The following HELZ2 variants were observed in gnomAD, a reference collection of about 807,000 sequenced individuals.
HELZ2 encodes the protein helicase with zinc finger 2.
HELZ2 carries 143 observed loss-of-function variants against 208.8 expected under a neutral mutation model. The observed-to-expected ratio is 0.68, with a 90% CI of 0.60 to 0.79. The LOEUF (loss-of-function observed/expected upper bound fraction) is 0.79, where lower values mean the gene tolerates loss of function less well. Ranked by LOEUF, HELZ2 falls within the 30% of genes least tolerant of loss-of-function variation. The probability of loss-of-function intolerance (pLI) is 0.00; values close to 1 mark genes in which losing one functional copy is unlikely to be tolerated. For missense variants in HELZ2, 3,690 were observed against 3,794.5 expected (o/e 0.97, Z 0.72); for synonymous variants, 1,705 against 1,693.7 (o/e 1.01, Z -0.16).
Position 63,567,638 on chromosome 20 carries a change from G to T in HELZ2, c.1731-11C>A. 6.3e-7 allele frequency: 1 copy of T among 1,596,616 alleles called. No homozygotes were observed. The highest frequency in any genetic ancestry group is 8.5e-7 in the Non-Finnish European group (1 of 1,174,000). Reference sequence around the variant, plus strand: ...TAGATGTCGGCGGCACTGCGGGAGGGGGAGGAGCTCATGGGCTTCTTGCTG... The same window carrying T: ...TAGATGTCGGCGGCACTGCGGGAGGTGGAGGAGCTCATGGGCTTCTTGCTG... On this transcript the variant is annotated splice_polypyrimidine_tract_variant and intron_variant, in intron 5 of 18. Coordinates refer to ENST00000467148, the Ensembl canonical transcript of HELZ2.
exon 8 of HELZ2, chr20:63,564,451 G>A (rs751989373): frequency 3.2e-6 from 5 of 1,570,160 alleles, no homozygotes; most frequent in Non-Finnish European, 4.3e-6. Context: ...CCTCCTCGTA[G>A]GACAGCTGGC....
At chr20:63,565,432 G>A (rs1348271309) in exon 8 of HELZ2, 5 of 1,610,488 alleles carry the variant, frequency 3.1e-6, no homozygotes, top group African/African-American at 1.3e-5. Flanking sequence ...AAGAGCAGTG[G>A]CGGTACCGCT....
intron 3 of HELZ2, among the ~76,000 whole-genome samples, chr20:63,569,922 C>T (rs574800872): frequency 7.4e-4 from 113 of 152,304 alleles, no homozygotes; most frequent in African/African-American, 2.6e-3. Context: ...CACCCACTCT[C>T]CAGGTGCCAG....
At chr20:63,572,301 T>C (rs1051704245) in exon 1 of HELZ2, 7 of 1,586,110 alleles carry the variant, frequency 4.4e-6, no homozygotes, top group Admixed American at 3.6e-5. Flanking sequence ...AGGGGGGCCG[T>C]GCGCCCGTCG....
chr20:63,561,913 G>C, exon 11 of HELZ2: 1 of 1,590,284 alleles, frequency 6.3e-7, no homozygotes, highest in Non-Finnish European at 8.6e-7. Flanking sequence ...GGGCCTCCGG[G>C]CTGCACCTGC....
chr20:63,570,784 A>G (rs1280657524), exon 2 of HELZ2: 3 of 1,611,086 alleles, frequency 1.9e-6, no homozygotes, highest in Non-Finnish European at 2.5e-6. Flanking sequence ...GCAGCTCCAC[A>G]GCCTGCGTGC....
At chr20:63,573,379 C>A (rs1182719476), upstream of HELZ2, among the ~76,000 whole-genome samples, 1 of 152,322 alleles carries the variant, frequency 6.6e-6, no homozygotes, top group East Asian at 1.9e-4. This position sits in a 1 kb window ranked among gnomAD's most constrained non-coding sequence, Gnocchi z 4.9. Context: ...GGACTCTCCC[C>A]ACCCTGACGC....
intron 4 of HELZ2, 60 bp from the exon 6 acceptor site, chr20:63,569,059 C>T: frequency 1.3e-5 from 20 of 1,593,712 alleles, no homozygotes; most frequent in Non-Finnish European, 1.7e-5. Context: ...CTGCCAAGTC[C>T]ACGCCCCCAT....
At chr20:63,564,324 G>A (rs761627629) in exon 8 of HELZ2, 9 of 1,590,394 alleles carry the variant, frequency 5.7e-6, no homozygotes, top group East Asian at 4.6e-5. Flanking sequence ...GACCGCAGGC[G>A]GTGCCGGCGC....
chr20:63,564,502 C>T (rs1426766927), exon 8 of HELZ2: 1 of 1,587,568 alleles, frequency 6.3e-7, no homozygotes, highest in Admixed American at 1.8e-5. Context: ...GCAGGCTCTT[C>T]AGCTGGCCAC....
intron 3 of HELZ2, 31 bp downstream of exon 4, chr20:63,570,473 C>A (rs752567372): frequency 1.3e-6 from 2 of 1,586,642 alleles, no homozygotes; most frequent in South Asian, 2.2e-5. Flanking sequence ...CCAGGGCTCC[C>A]TCCGCCCAGT....
At chr20:63,562,831 G>A (rs1384379645) in exon 8 of HELZ2, 2 of 1,610,414 alleles carry the variant, frequency 1.2e-6, no homozygotes, top group East Asian at 2.2e-5. Context: ...TGTCGGCACA[G>A]TTCTCCTCGA....
At chr20:63,567,983 G>A (rs1482948041) in intron 5 of HELZ2, 2 of 542,562 alleles carry the variant, frequency 3.7e-6, no homozygotes, top group Non-Finnish European at 6.5e-6. Flanking sequence ...GCCTGGGGAG[G>A]TGGTGGTGGC....
Position 63,562,001 on chromosome 20 carries a change from G to A in HELZ2, c.6530-17C>T. ...TCCCTGTACCTGCAGCCAGAGAATA[G>A]GAGATTGTAGCCCACCCTGTGGGTC... On this transcript the variant is annotated splice_polypyrimidine_tract_variant and intron_variant, in intron 10 of 18. Coordinates refer to ENST00000467148, the Ensembl canonical transcript of HELZ2. The A allele has an allele frequency of 6.3e-7, 1 of 1,595,276 alleles. No individual in the cohort carries two copies. The highest frequency in any genetic ancestry group is 8.6e-7 in the Non-Finnish European group (1 of 1,167,964).
chr20:63,566,099 T>A (rs2082953659), exon 8 of HELZ2: 1 of 1,585,242 alleles, frequency 6.3e-7, no homozygotes, highest in African/African-American at 1.3e-5. Context: ...TACCACCAGC[T>A]GGGACTGGGC....
chr20:63,567,105 G>C (rs1430497168), exon 6 of HELZ2: 1 of 1,612,018 alleles, frequency 6.2e-7, no homozygotes, highest in East Asian at 2.2e-5. Flanking sequence ...GCGAGATGAA[G>C]CTGACAATGG....
chr20:63,564,532 G>T, exon 8 of HELZ2: 1 of 1,578,360 alleles, frequency 6.3e-7, no homozygotes. Context: ...CCATGGTGAG[G>T]AACAGGGAGA....
At chr20:63,559,349 C>T (rs1437613712) in exon 19 of HELZ2, 2 of 1,600,528 alleles carry the variant, frequency 1.2e-6, no homozygotes, top group Non-Finnish European at 1.7e-6. Flanking sequence ...GAGGGGGCAG[C>T]AGCGCAGAAG....
At chr20:63,563,026 C>A in exon 8 of HELZ2, 1 of 1,600,554 alleles carries the variant, frequency 6.2e-7, no homozygotes, top group Non-Finnish European at 8.5e-7. Flanking sequence ...GGTACCGGTC[C>A]CTCGGGGCCC....
Sources: gnomAD v4.1 joint callset for allele counts (sites outside exome capture counted in the v4.1 genomes callset) on GRCh38, gnomAD v4.1.1 for gene constraint, Gnocchi (gnomAD v3.1) non-coding constraint, MANE v1.5 for transcripts, NCBI Gene and HGNC (gene_info 2026-07-23, HGNC 2026-07-21) for gene names.